MYH15: variants seen among roughly 807,000 people sequenced by gnomAD.
MYH15 encodes the protein myosin-15.
Under a neutral mutation model 240.5 loss-of-function variants are expected in MYH15, and 227 were observed. The ratio of observed to expected loss-of-function variants is 0.94; its 90% CI spans 0.85 to 1.05. MYH15 has a LOEUF of 1.05. Ranked by LOEUF, MYH15 falls within the 50% of genes least tolerant of loss-of-function variation. The pLI is 0.00. For synonymous variants in MYH15, 785 were observed against 796.7 expected, an observed-to-expected ratio of 0.99 and a Z score of 0.25; for missense variants, 2,217 against 2,247.5, an observed-to-expected ratio of 0.99 and a Z score of 0.27.
chr3:108,383,501 A>C, intron 40 of MYH15, 94 bp downstream of exon 40: 3 of 1,382,280 alleles, frequency 2.2e-6, no homozygotes, highest in Non-Finnish European at 2.9e-6. Context: ...TTTAAGGAGA[A>C]AAACAAATTT....
intron 27 of MYH15, among the ~76,000 whole-genome samples, chr3:108,422,901 A>G (rs925766114): frequency 5.9e-5 from 9 of 152,198 alleles, no homozygotes; most frequent in African/African-American, 1.9e-4. Flanking sequence ...GCCAAAACCT[A>G]GGCCATCTCT....
intron 5 of MYH15, among the ~76,000 whole-genome samples, 196 bp downstream of exon 5, chr3:108,499,259 C>T (rs1220626082): frequency 6.6e-6 from 1 of 152,084 alleles, no homozygotes; most frequent in Admixed American, 6.5e-5. Flanking sequence ...ACTAGCTGAC[C>T]CCATATTTGG....
At position 108,437,564 on chromosome 3, in the gene MYH15, C is replaced by A. The variant is rs907796116; in HGVS notation, c.3211G>T (p.Glu1071Ter). 1.2e-6 allele frequency: 2 copies of A among 1,613,144 alleles called. No individual in the cohort carries two copies. The highest frequency in any genetic ancestry group is 2.7e-5 in the African/African-American group (2 of 74,872). ...LESSQRHLAE[E>*]LRKKELELSQ... ...AGAAAGGTGGCTTACTTCCTCAGCT[C>A]TTCTGCCAGGTGTCGCTGGCTGCTT... is the stretch of plus-strand genomic sequence containing the variant. Residue 1071 changes from glutamate to a stop codon, truncating the protein, a stop_gained, in exon 25 of 41, where the codon GAG (glutamate) becomes TAG (stop). Transcript: ENST00000693548. LOFTEE classifies it high-confidence loss of function.
chr3:108,414,521 TAAC>T (rs2082619619), intron 29 of MYH15, 93 bp from the exon 30 acceptor site: 2 of 1,111,118 alleles, frequency 1.8e-6, no homozygotes, highest in African/African-American at 1.6e-5. Flanking sequence ...GTAAGATTAA[TAAC>T]AACCTGCCAC....
At chr3:108,532,941 A>G (rs2083721454), upstream of MYH15, among the ~76,000 whole-genome samples, 1 of 152,152 alleles carries the variant, frequency 6.6e-6, no homozygotes, top group Non-Finnish European at 1.5e-5. Flanking sequence ...ACAACTGGTA[A>G]CTAATGTATT....
At position 108,405,368 on chromosome 3, in the gene MYH15, G is replaced by A; in HGVS notation, c.4706C>T (p.Ser1569Leu). The A allele has an allele frequency of 6.6e-7, 1 of 1,509,728 alleles. No individual in the cohort carries two copies. Among genetic ancestry groups the A allele is most frequent in the South Asian group, 1.4e-5 (1 of 72,626 alleles). 93.5% of individuals were successfully genotyped at this position (1,509,728 alleles called of 1,614,324 possible). A position where few individuals can be genotyped will look rare whatever the true frequency, so the allele number is the denominator to read the frequency against. ...EAKAELERKL[S>L]EKDEEIENFR... ...ATTTTCTATTTCTTCATCTTTCTCT[G>A]AAAGCTTTCTTTCAAGTTCTGCTTT... Residue 1569 changes from serine to leucine, a missense_variant, in exon 33 of 41, where the codon TCA becomes TTA. Coordinates refer to ENST00000693548, the MANE Select transcript of MYH15 (RefSeq NM_014981.3).
In MYH15 at chr3:108,391,846, T is replaced by C. The variant is rs2082424723; in HGVS notation, c.5344A>G (p.Ile1782Val). Residue 1782 changes from isoleucine to valine, a missense_variant, in exon 37 of 41, where the codon ATT (isoleucine) becomes GTT (valine). Coordinates refer to ENST00000693548, the MANE Select transcript of MYH15 (RefSeq NM_014981.3). ...ERTRENMEQTITDLQKRLAEA... is the reference protein window; with the variant it reads ...ERTRENMEQTVTDLQKRLAEA... ...GCCAGCCTTTTCTGTAAGTCTGTAA[T>C]TGTCTGCTCCATATTTTCTCTTGTC... 3 of 1,614,042 alleles carry C rather than the reference T, an allele frequency of 1.9e-6. No individual in the cohort carries two copies. Among genetic ancestry groups the C allele is most frequent in the African/African-American group, 2.7e-5 (2 of 74,920 alleles).
At chr3:108,490,068 T>C (rs1373961488) in intron 9 of MYH15, among the ~76,000 whole-genome samples, 2 of 152,142 alleles carry the variant, frequency 1.3e-5, no homozygotes. Flanking sequence ...CATTAGATCT[T>C]ACGTGTCAGT....
At chr3:108,434,241 G>T (rs1224285712) in intron 25 of MYH15, among the ~76,000 whole-genome samples, 18 of 142,906 alleles carry the variant, frequency 1.3e-4, no homozygotes, top group African/African-American at 4.4e-4. Flanking sequence ...GGAGTGCAAT[G>T]GTGTGATCTC....
At chr3:108,383,757 A>T in intron 39 of MYH15, 28 bp from the exon 40 acceptor site, 1 of 1,447,616 alleles carries the variant, frequency 6.9e-7, no homozygotes. Flanking sequence ...AAAAAAAAGA[A>T]ATCTCCATGC....
At chr3:108,514,594 C>CATTTTATGAATTATTATGCAT (rs1428000239), upstream of MYH15, among the ~76,000 whole-genome samples, 1 of 151,800 alleles carries the variant, frequency 6.6e-6, no homozygotes, top group Non-Finnish European at 1.5e-5. Context: ...AATTATTATG[C>CATTTTATGAATTATTATGCAT]ATTAGACAAA....
chr3:108,494,426 A>T (rs963119987), intron 7 of MYH15, among the ~76,000 whole-genome samples: 8 of 149,272 alleles, frequency 5.4e-5, no homozygotes, highest in African/African-American at 2.0e-4. Flanking sequence ...ATCCATCTTC[A>T]TGTTTATTTT....
At chr3:108,505,697 C>T in intron 2 of MYH15, 26 bp downstream of exon 2, 1 of 1,355,700 alleles carries the variant, frequency 7.4e-7, no homozygotes, top group Non-Finnish European at 1.0e-6. Flanking sequence ...ATAGTCATCA[C>T]TGCAATGAAA....
chr3:108,480,508 GAGTC>G (rs1282287560), intron 11 of MYH15, among the ~76,000 whole-genome samples: 2 of 152,180 alleles, frequency 1.3e-5, no homozygotes, highest in African/African-American at 2.4e-5. Flanking sequence ...GACATAATTA[GAGTC>G]ATGCTTTAGG....
intron 27 of MYH15, among the ~76,000 whole-genome samples, chr3:108,424,740 G>T (rs1283318496): frequency 6.6e-6 from 1 of 152,148 alleles, no homozygotes; most frequent in African/African-American, 2.4e-5. Context: ...AAATGATAAA[G>T]TAAACAATTC....
upstream of MYH15, among the ~76,000 whole-genome samples, chr3:108,512,248 A>G (rs2083527379): frequency 1.3e-5 from 2 of 152,356 alleles, no homozygotes; most frequent in South Asian, 2.1e-4. Context: ...AGAAGAACTC[A>G]AGGTAAAGGA....
Position 108,397,124 on chromosome 3 carries a change from C to A in MYH15, c.5133+1513G>T, listed in dbSNP as rs547110928. Among the ~76,000 whole-genome samples the A allele has an allele frequency of 2.0e-5, 3 of 152,300 alleles. No individual in the cohort carries two copies. The South Asian group carries it at 6.2e-4, about 32-fold the overall frequency. ...CACCACAGTAAAACTTCCTAAAATG[C>A]AAATCTGATAACTTCACTCTTAGCT... On this transcript the variant is annotated intron_variant, in intron 35 of 40. Coordinates refer to ENST00000693548, the MANE Select transcript of MYH15 (RefSeq NM_014981.3).
chr3:108,421,226 G>A lies in MYH15; in HGVS notation c.3703-12C>T, dbSNP rs372507990. On this transcript the variant is annotated splice_polypyrimidine_tract_variant and intron_variant, in intron 27 of 40. Transcript: ENST00000693548. ...TTCTCAGCATTTGCCTATAAGTTGAGAAAGAAGGGCTGGTCAGGGCTCACA... is the reference window on the plus strand; with the variant it reads ...TTCTCAGCATTTGCCTATAAGTTGAAAAAGAAGGGCTGGTCAGGGCTCACA... 3.1e-6 allele frequency: 5 copies of A among 1,609,406 alleles called. No individual in the cohort carries two copies. The African/African-American group carries it at 6.7e-5, about 21-fold the overall frequency.
At chr3:108,518,525 G>T (rs553853214) in intron 1 of MYH15, among the ~76,000 whole-genome samples, 4 of 152,114 alleles carry the variant, frequency 2.6e-5, no homozygotes, top group Non-Finnish European at 5.9e-5. Context: ...AAATCATTCC[G>T]CATCCTATGA....
Sources: gnomAD v4.1 joint callset for allele counts (sites outside exome capture counted in the v4.1 genomes callset) on GRCh38, gnomAD v4.1.1 for gene constraint, MANE v1.5 for transcripts, NCBI Gene and HGNC (gene_info 2026-07-23, HGNC 2026-07-21) for gene names.